The following PCDH11Y variants were observed in gnomAD, a reference collection of about 807,000 sequenced individuals.
PCDH11Y encodes protocadherin 11 Y-linked, also known as protocadherin-11 Y-linked.
For missense variants in PCDH11Y, 12 were observed against 224.8 expected (o/e 0.05, Z 6.05); for synonymous variants, 9 against 83.6 (o/e 0.11, Z 4.87).
chrY:5,324,972 C>T (rs2053117129), intron 2 of PCDH11Y, among the ~76,000 whole-genome samples: 1 of 29,801 alleles, frequency 3.4e-5, no homozygotes, highest in Non-Finnish European at 8.0e-5. Context: ...TGTTCCCTGG[C>T]GGGCAGGAGT....
chrY:5,335,065 G>T, intron 2 of PCDH11Y, among the ~76,000 whole-genome samples: 3 of 32,824 alleles, frequency 9.1e-5, no homozygotes, highest in Non-Finnish European at 2.2e-4. Flanking sequence ...AAACAAGGGG[G>T]GGCAGAGGAA....
chrY:5,467,842 C>G (rs2124684391), intron 2 of PCDH11Y, among the ~76,000 whole-genome samples: 2 of 32,865 alleles, frequency 6.1e-5, no homozygotes, highest in South Asian at 1.3e-3. Context: ...AAACTGAGTT[C>G]TTTGAAGAAG....
At chrY:5,477,299 T>C in intron 2 of PCDH11Y, among the ~76,000 whole-genome samples, 1 of 32,259 alleles carries the variant, frequency 3.1e-5, no homozygotes, top group African/African-American at 1.2e-4. Context: ...TCTGTTTATG[T>C]GATGGATTAC....
upstream of PCDH11Y, among the ~76,000 whole-genome samples, chrY:5,053,971 C>T (rs2052656730): frequency 3.4e-5 from 1 of 29,584 alleles, no homozygotes; most frequent in Non-Finnish European, 8.0e-5. Flanking sequence ...TGTTAAATGA[C>T]GAGTTAATGG....
At chrY:5,462,626 C>CATT (rs1210309353) in intron 2 of PCDH11Y, among the ~76,000 whole-genome samples, 50 of 30,520 alleles carry the variant, frequency 1.6e-3, no homozygotes, top group South Asian at 6.8e-3. Context: ...TCAAAATTAT[C>CATT]ATTATTATTA....
At chrY:5,440,034 T>C in intron 2 of PCDH11Y, among the ~76,000 whole-genome samples, 1 of 34,243 alleles carries the variant, frequency 2.9e-5, no homozygotes, top group African/African-American at 1.1e-4. Flanking sequence ...GCCACAGTGC[T>C]AATAATTGTT....
chrY:5,459,377 G>T (rs1602928683), intron 2 of PCDH11Y, among the ~76,000 whole-genome samples: 8 of 32,287 alleles, frequency 2.5e-4, no homozygotes, highest in African/African-American at 4.8e-4. Flanking sequence ...TTTTACTGTT[G>T]TGTCTAGGTT....
intron 1 of PCDH11Y, among the ~76,000 whole-genome samples, chrY:5,016,406 A>G: frequency 1.6e-4 from 5 of 32,040 alleles, no homozygotes; most frequent in Admixed American, 1.5e-3. Flanking sequence ...ATTTTTTTAA[A>G]TCACATGTAT....
intron 2 of PCDH11Y, among the ~76,000 whole-genome samples, chrY:5,377,432 T>G: frequency 3.0e-5 from 1 of 33,777 alleles, no homozygotes; most frequent in African/African-American, 1.1e-4. Flanking sequence ...TCATGAACAC[T>G]TCTTGATTAC....
chrY:5,330,938 A>C, intron 2 of PCDH11Y, among the ~76,000 whole-genome samples: 1 of 33,634 alleles, frequency 3.0e-5, no homozygotes, highest in Non-Finnish European at 7.3e-5. Flanking sequence ...TTGCCATCTT[A>C]GCAAAGTAAT....
intron 2 of PCDH11Y, among the ~76,000 whole-genome samples, chrY:5,329,119 C>T: frequency 3.1e-5 from 1 of 32,328 alleles, no homozygotes; most frequent in Non-Finnish European, 7.5e-5. Flanking sequence ...TGGGGTCAAG[C>T]GGCATTTCAG....
intron 3 of PCDH11Y, among the ~76,000 whole-genome samples, chrY:5,561,917 G>A: frequency 6.2e-5 from 2 of 32,410 alleles, no homozygotes; most frequent in Non-Finnish European, 1.5e-4. Context: ...AGAATTTTGG[G>A]GAGTCCAAGT....
intron 2 of PCDH11Y, among the ~76,000 whole-genome samples, chrY:5,294,241 G>A (rs2053070689): frequency 3.1e-5 from 1 of 32,240 alleles, no homozygotes; most frequent in Admixed American, 2.9e-4. Flanking sequence ...CATGAGGCTT[G>A]CAACTATTAT....
intron 2 of PCDH11Y, among the ~76,000 whole-genome samples, chrY:5,359,485 T>A (rs2053172599): frequency 3.2e-5 from 1 of 31,653 alleles, no homozygotes; most frequent in African/African-American, 1.2e-4. Context: ...ATGACCTGTA[T>A]TTTGTGCCCA....
intron 4 of PCDH11Y, among the ~76,000 whole-genome samples, chrY:5,670,248 G>A: frequency 3.0e-5 from 1 of 33,056 alleles, no homozygotes; most frequent in Non-Finnish European, 7.5e-5. Context: ...CTTAGCTACT[G>A]TGAACAGTGC....
At chrY:5,145,095 C>T in intron 2 of PCDH11Y, among the ~76,000 whole-genome samples, 1 of 32,057 alleles carries the variant, frequency 3.1e-5, no homozygotes, top group Non-Finnish European at 7.6e-5. Flanking sequence ...ACTTATTGTA[C>T]CTAGTAATAC....
chrY:5,224,843 G>C (rs2124652952), intron 2 of PCDH11Y, among the ~76,000 whole-genome samples: 1 of 33,171 alleles, frequency 3.0e-5, no homozygotes. Context: ...GATTTGCCAA[G>C]GTGCCACTGG....
In PCDH11Y at chrY:5,074,479, T is replaced by C. The variant is rs2052705244; in HGVS notation, c.636+17020T>C. ...CATACTTTAGTGGTCATAGGTGAAA[T>C]AGTATTAGGACATATATCAAGTCCT... On this transcript the variant is annotated intron_variant, in intron 1 of 1. Transcript: ENST00000215473. Among the ~76,000 whole-genome samples the C allele has an allele frequency of 1.2e-4, 3 of 24,858 alleles. No homozygotes were observed. The Admixed American group carries it at 1.2e-3, about 10-fold the overall frequency. 66.7% of individuals were successfully genotyped at this position (24,858 alleles called of 37,273 possible).
intron 3 of PCDH11Y, among the ~76,000 whole-genome samples, chrY:5,555,507 G>T: frequency 3.0e-5 from 1 of 32,965 alleles, no homozygotes; most frequent in East Asian, 8.2e-4. Context: ...GAGTTTCCAT[G>T]TGTTGTGAGG....
Sources: gnomAD v4.1 joint callset for allele counts (sites outside exome capture counted in the v4.1 genomes callset) on GRCh38, gnomAD v4.1.1 for gene constraint, MANE v1.5 for transcripts, NCBI Gene and HGNC (gene_info 2026-07-23, HGNC 2026-07-21) for gene names.